POLR1C: variants seen among roughly 807,000 people sequenced by gnomAD.
The protein encoded by POLR1C is RNA polymerase I and III subunit C, also known as DNA-directed RNA polymerases I and III subunit RPAC1.
A neutral mutation model predicts 38.3 loss-of-function variants in POLR1C; 42 were observed. The ratio of observed to expected loss-of-function variants is 1.10; its 90% CI spans 0.86 to 1.42. POLR1C has a LOEUF of 1.42. Ranked by LOEUF, POLR1C falls within the 40% of genes most tolerant of loss-of-function variation. The pLI, the probability that POLR1C is intolerant of heterozygous loss-of-function variation, is 0.00. For missense variants in POLR1C, 507 were observed against 450.5 expected, an observed-to-expected ratio of 1.13 and a Z score of -1.14; for synonymous variants, 163 against 163.9, an observed-to-expected ratio of 0.99 and a Z score of 0.04.
chr6:43,530,912 A>C (rs1366848383), downstream of POLR1C: 1 of 1,470,770 alleles, frequency 6.8e-7, no homozygotes, highest in African/African-American at 1.4e-5. Flanking sequence ...TTTCTAGCCT[A>C]CAATAAGGTT....
chr6:43,526,349 G>T, downstream of POLR1C: 1 of 402,240 alleles, frequency 2.5e-6, no homozygotes. Flanking sequence ...CTGCTATGAA[G>T]AAGAATAAAG....
At chr6:43,531,661 CA>C (rs1278839221), downstream of POLR1C, 25 of 1,186,618 alleles carry the variant, frequency 2.1e-5, 1 homozygote, top group Admixed American at 6.9e-5. Context: ...AGCTGTTGTT[CA>C]GGGGTGAAGA....
downstream of POLR1C, chr6:43,522,844 CTCTT>C: frequency 3.4e-6 from 1 of 293,872 alleles, no homozygotes; most frequent in Non-Finnish European, 7.9e-6. Flanking sequence ...TCCATGTCCT[CTCTT>C]TACAGGGCCT....
At chr6:43,553,094 G>A (rs1253824475) in intron 10 of POLR1C, among the ~76,000 whole-genome samples, 5 of 152,056 alleles carry the variant, frequency 3.3e-5, no homozygotes, top group African/African-American at 7.2e-5. Context: ...CAGGAGGGTC[G>A]CTTGAGGCCA....
exon 9 of POLR1C, chr6:43,529,299 T>C (rs548561862): frequency 2.6e-6 from 3 of 1,152,304 alleles, no homozygotes; most frequent in East Asian, 4.7e-5. Context: ...TCCCAGCACT[T>C]TGGGAGGCCA....
chr6:43,529,902 C>T (rs571255470), downstream of POLR1C, among the ~76,000 whole-genome samples: 3 of 130,226 alleles, frequency 2.3e-5, no homozygotes, highest in South Asian at 2.5e-4. Context: ...ACACTGAGAC[C>T]CTGTCTCAAA....
In POLR1C at chr6:43,521,027, C is replaced by G. The variant is rs756072030; in HGVS notation, c.901C>G (p.Arg301Gly). The part of the protein sequence containing the change: ...EKLKKVVRLA[R>G]VRDHYIFSVE... ...GCTAAAGAAGGTTGTGAGGCTTGCC[C>G]GGGTTCGAGATCATTATATCTGTGA... Residue 301 changes from arginine to glycine, a missense_variant, in exon 8 of 9, where the codon CGG (arginine) becomes GGG (glycine). Transcript: ENST00000642195. The G allele has an allele frequency of 3.1e-6, 5 of 1,613,832 alleles. No individual in the cohort carries two copies. In the African/African-American group the frequency reaches 5.3e-5, roughly 17 times the overall value.
chr6:43,547,515 T>C (rs1795016673), intron 9 of POLR1C: 21 of 1,165,728 alleles, frequency 1.8e-5, no homozygotes, highest in East Asian at 2.4e-5. Flanking sequence ...CTCACCAGTA[T>C]AGAAAAAACA....
At chr6:43,531,920 T>C (rs1270909604), downstream of POLR1C, among the ~76,000 whole-genome samples, 1 of 152,206 alleles carries the variant, frequency 6.6e-6, no homozygotes, top group African/African-American at 2.4e-5. Flanking sequence ...AGCAAAATCT[T>C]ACACAAAACA....
At chr6:43,530,901 A>T (rs1296521070), downstream of POLR1C, 1 of 1,498,498 alleles carries the variant, frequency 6.7e-7, no homozygotes, top group African/African-American at 1.4e-5. Context: ...CATGAATTTC[A>T]TTTCTAGCCT....
chr6:43,532,435 G>C (rs1406532976), downstream of POLR1C, among the ~76,000 whole-genome samples: 1 of 152,184 alleles, frequency 6.6e-6, no homozygotes, highest in South Asian at 2.1e-4. Flanking sequence ...GTGATGGTGA[G>C]CCAGCCTGAA....
At chr6:43,542,462 T>C (rs1794746158) in intron 9 of POLR1C, among the ~76,000 whole-genome samples, 1 of 152,036 alleles carries the variant, frequency 6.6e-6, no homozygotes, top group Non-Finnish European at 1.5e-5. Context: ...CAGGCTGGAG[T>C]ACGGTAACAT....
intron 9 of POLR1C, chr6:43,539,360 T>G: frequency 1.3e-6 from 2 of 1,581,006 alleles, no homozygotes. Flanking sequence ...AGCACGGGTC[T>G]GCTTCTGCAC....
intron 9 of POLR1C, among the ~76,000 whole-genome samples, chr6:43,549,031 A>C (rs1171404169): frequency 6.6e-6 from 1 of 152,182 alleles, no homozygotes; most frequent in Non-Finnish European, 1.5e-5. Context: ...TAACTATACT[A>C]CTAAGTATAC....
intron 10 of POLR1C, chr6:43,560,300 G>C (rs1398310004): frequency 1.3e-6 from 2 of 1,596,358 alleles, no homozygotes; most frequent in African/African-American, 1.4e-5. Flanking sequence ...GAAGAGCGTA[G>C]AAACTAAAGA....
chr6:43,517,308 C>G lies in POLR1C; in HGVS notation c.72C>G (p.Val24=). The G allele has an allele frequency of 6.2e-7, 1 of 1,613,968 alleles. No homozygotes were observed. The highest frequency in any genetic ancestry group is 8.5e-7 in the Non-Finnish European group (1 of 1,179,876). ...VVLGEFGVRN[V]HTTDFPGNYS... is the part of the protein sequence containing the mutation. ...ACAAATTCGTCCCTTTGCTCTAGGT[C>G]CATACTACTGACTTTCCCGGTAACT... is the stretch of plus-strand genomic sequence containing the variant. The change falls in exon 2 of 9, where the codon GTC becomes GTG. Residue 24 remains valine, a splice_region_variant and synonymous_variant. Coordinates refer to ENST00000642195, the MANE Select transcript of POLR1C (RefSeq NM_203290.4).
chr6:43,560,935 G>A, intron 10 of POLR1C: 1 of 1,613,758 alleles, frequency 6.2e-7, no homozygotes, highest in Non-Finnish European at 8.5e-7. Context: ...TGACTTGGAT[G>A]GGTTGTGAAA....
chr6:43,519,645 C>T lies in POLR1C; in HGVS notation c.250-61C>T, dbSNP rs371297943. On this transcript the variant is annotated intron_variant, in intron 3 of 8. Coordinates refer to ENST00000642195, the MANE Select transcript of POLR1C (RefSeq NM_203290.4). Reference sequence around the variant, plus strand: ...TCCCTACCTCTGGAGGTTGGGGTTACGGGGATAGGTAGGGGGTCTGTTGGG... The same window carrying T: ...TCCCTACCTCTGGAGGTTGGGGTTATGGGGATAGGTAGGGGGTCTGTTGGG... The T allele has an allele frequency of 5.6e-5, 91 of 1,612,326 alleles. No individual in the cohort carries two copies. The East Asian group carries it at 9.6e-4, about 17-fold the overall frequency.
At chr6:43,550,011 G>C in intron 9 of POLR1C, 2 of 1,477,514 alleles carry the variant, frequency 1.4e-6, no homozygotes, top group Middle Eastern at 2.0e-4. Context: ...GCCCAGACTA[G>C]ACTTGAATTC....
Sources: allele counts gnomAD v4.1 joint callset (sites outside exome capture counted in the v4.1 genomes callset), GRCh38; gene constraint gnomAD v4.1.1; transcripts MANE v1.5; gene names NCBI Gene and HGNC (gene_info 2026-07-23, HGNC 2026-07-21).